ZNF138: variants seen among roughly 807,000 people sequenced by gnomAD.
ZNF138 encodes zinc finger protein 138.
ZNF138 carries 33 observed loss-of-function variants against 33.0 expected under a neutral mutation model. The observed-to-expected ratio is 1.00, with a 90% CI of 0.76 to 1.34. The LOEUF is 1.34. Among genes scored for constraint, ZNF138 ranks in the 40% most tolerant of loss-of-function variants. The probability of loss-of-function intolerance (pLI) is 0.00; values close to 1 mark genes in which losing one functional copy is unlikely to be tolerated. For missense variants in ZNF138, 360 were observed against 370.8 expected (o/e 0.97, Z 0.24); for synonymous variants, 139 against 120.4 (o/e 1.15, Z -1.01).
chr7:64,807,324 C>G (rs1263550769), intron 1 of ZNF138, among the ~76,000 whole-genome samples: 1 of 152,204 alleles, frequency 6.6e-6, no homozygotes, highest in Non-Finnish European at 1.5e-5. Context: ...GGTCTGGGCA[C>G]TCTGTCCCTC....
At chr7:64,811,551 G>T (rs1444146470) in intron 1 of ZNF138, among the ~76,000 whole-genome samples, 2 of 152,074 alleles carry the variant, frequency 1.3e-5, no homozygotes, top group African/African-American at 4.8e-5. Context: ...TCACCATGTT[G>T]GCCAGGTTGG....
intron 1 of ZNF138, among the ~76,000 whole-genome samples, chr7:64,802,240 T>C (rs1314268163): frequency 6.6e-6 from 1 of 151,976 alleles, no homozygotes. Flanking sequence ...AGAAAGAAAA[T>C]GTTCAGGTTA....
chr7:64,858,607 T>C, the ZNF138 span, among the ~76,000 whole-genome samples: 1 of 152,182 alleles, frequency 6.6e-6, no homozygotes, highest in Non-Finnish European at 1.5e-5. Flanking sequence ...GTTAAGGTAA[T>C]AGATGTAGGG....
rs1318753609 is a variant in ZNF138 at position 64,809,817 on chromosome 7, AC to A, written c.4-5100del. Among the ~76,000 whole-genome samples, 191 of 122,362 alleles carry A rather than the reference AC, an allele frequency of 1.6e-3. 1 individual carries two copies. Among genetic ancestry groups the A allele is most frequent in the Middle Eastern group, 5.4e-3 (1 of 186 alleles). 80.3% of individuals were successfully genotyped at this position (122,362 alleles called of 152,430 possible). ...GGCAGAGGTGCTCCTCACATCCCAG[AC>A]GGGGCGGCGGGGCAGAGGCGCTCCC... On this transcript the variant is annotated intron_variant, in intron 1 of 3. Transcript: ENST00000307355.
At chr7:64,807,425 A>C (rs552352840) in intron 1 of ZNF138, among the ~76,000 whole-genome samples, 32 of 152,326 alleles carry the variant, frequency 2.1e-4, no homozygotes, top group African/African-American at 7.7e-4. Context: ...TACAATTCTC[A>C]AACTTGCTCC....
intron 1 of ZNF138, among the ~76,000 whole-genome samples, chr7:64,800,800 A>G (rs1447481247): frequency 6.6e-6 from 1 of 152,042 alleles, no homozygotes; most frequent in Non-Finnish European, 1.5e-5. Flanking sequence ...TTAGCTGTGG[A>G]TGTCTCTGGT....
chr7:64,850,876 C>T, the ZNF138 span, among the ~76,000 whole-genome samples: 1 of 152,108 alleles, frequency 6.6e-6, no homozygotes. Context: ...GTGGCCACAT[C>T]AGTGGTTTGT....
At chr7:64,811,236 G>A (rs946139519) in intron 1 of ZNF138, among the ~76,000 whole-genome samples, 5 of 152,178 alleles carry the variant, frequency 3.3e-5, no homozygotes, top group Admixed American at 6.5e-5. Flanking sequence ...GGTGCTATGA[G>A]GATTAAATCA....
chr7:64,811,261 C>T (rs907406389), intron 1 of ZNF138, among the ~76,000 whole-genome samples: 1 of 152,196 alleles, frequency 6.6e-6, no homozygotes, highest in Non-Finnish European at 1.5e-5. Flanking sequence ...ATGTGTTATT[C>T]CCAGCAAAGT....
intron 3 of ZNF138, among the ~76,000 whole-genome samples, chr7:64,826,344 ATGT>A (rs1409303717): frequency 6.6e-6 from 1 of 152,116 alleles, no homozygotes; most frequent in Non-Finnish European, 1.5e-5. Flanking sequence ...CAATGGCACG[ATGT>A]TGTCTCACCA....
chr7:64,858,165 A>G, the ZNF138 span, among the ~76,000 whole-genome samples: 1 of 151,598 alleles, frequency 6.6e-6, no homozygotes, highest in Non-Finnish European at 1.5e-5. Flanking sequence ...TTTTGCTTAA[A>G]ATACATTAGC....
intron 1 of ZNF138, among the ~76,000 whole-genome samples, chr7:64,812,163 T>G (rs767438629): frequency 7.2e-4 from 85 of 118,792 alleles, no homozygotes; most frequent in Middle Eastern, 4.2e-3. Context: ...GTTAAGTGGG[T>G]TTTTTTTTTT....
chr7:64,813,301 T>C (rs946447959), intron 1 of ZNF138, among the ~76,000 whole-genome samples: 1 of 152,140 alleles, frequency 6.6e-6, no homozygotes, highest in Non-Finnish European at 1.5e-5. Context: ...AGAATGGCAC[T>C]CGTTACCCAG....
rs774313550 is a variant in ZNF138, at chr7:64,832,033, C to G, written c.791C>G (p.Ser264Ter). ...AHCGKAFKQSSHLTRHKIIHT... is the reference protein window; with the variant it reads ...AHCGKAFKQS ...TGTGGCAAAGCCTTTAAACAGTCCT[C>G]ACACCTTACTAGACATAAGATAATT... Residue 264 changes from serine to a stop codon, truncating the protein, a stop_gained, in exon 4 of 4, where the codon TCA becomes TGA. Coordinates refer to ENST00000307355, the MANE Select transcript of ZNF138 (RefSeq NM_001271639.2). LOFTEE classifies it high-confidence loss of function. The G allele has an allele frequency of 1.9e-6, 3 of 1,613,784 alleles. No homozygotes were observed. In the African/African-American group the frequency reaches 4.0e-5, roughly 22 times the overall value.
At chr7:64,844,165 G>A in the ZNF138 span, among the ~76,000 whole-genome samples, 1 of 152,178 alleles carries the variant, frequency 6.6e-6, no homozygotes, top group Non-Finnish European at 1.5e-5. Context: ...GAACTCCTGG[G>A]CTTAAGATGT....
At chr7:64,796,502 A>G (rs1378259997) in intron 1 of ZNF138, among the ~76,000 whole-genome samples, 1 of 152,234 alleles carries the variant, frequency 6.6e-6, no homozygotes, top group East Asian at 1.9e-4. Flanking sequence ...TAGTAGGACT[A>G]AAAGGTAAGA....
intron 1 of ZNF138, among the ~76,000 whole-genome samples, chr7:64,799,200 C>T (rs1290753603): frequency 6.6e-6 from 1 of 151,314 alleles, no homozygotes; most frequent in Non-Finnish European, 1.5e-5. Context: ...GAGTTTTGCT[C>T]TTGTTGCCCA....
chr7:64,840,527 G>A, the ZNF138 span, among the ~76,000 whole-genome samples: 1 of 152,028 alleles, frequency 6.6e-6, no homozygotes, highest in Non-Finnish European at 1.5e-5. Context: ...GTATTAATCA[G>A]ATAAGGGCAA....
At chr7:64,815,124 G>A in intron 2 of ZNF138, 80 bp downstream of exon 2, 1 of 1,322,446 alleles carries the variant, frequency 7.6e-7, no homozygotes, top group South Asian at 1.7e-5. Context: ...AATGTCTTTT[G>A]GTAATTTATG....
Sources: gnomAD v4.1 joint callset for allele counts (sites outside exome capture counted in the v4.1 genomes callset) on GRCh38, gnomAD v4.1.1 for gene constraint, MANE v1.5 for transcripts, NCBI Gene and HGNC (gene_info 2026-07-23, HGNC 2026-07-21) for gene names.